AIRE: variants seen among roughly 807,000 people sequenced by gnomAD.
AIRE encodes the protein autoimmune polyendocrinopathy candidiasis ectodermal dystrophy protein.
A neutral mutation model predicts 62.1 loss-of-function variants in AIRE; 52 were observed. The ratio of observed to expected loss-of-function variants is 0.84; its 90% CI spans 0.67 to 1.06. The LOEUF is 1.06. AIRE is among the 50% of genes least tolerant of loss of function. The probability of loss-of-function intolerance (pLI) is 0.00; values close to 1 mark genes in which losing one functional copy is unlikely to be tolerated. For synonymous variants in AIRE, 342 were observed against 321.6 expected, an observed-to-expected ratio of 1.06 and a Z score of -0.68; for missense variants, 774 against 755.8, an observed-to-expected ratio of 1.02 and a Z score of -0.28.
chr21:44,297,020 T>C lies in AIRE; in HGVS notation c.1566+575T>C, dbSNP rs1601972677. 6.6e-6 allele frequency among the ~76,000 whole-genome samples: 1 copy of C among 152,074 alleles called. No individual in the cohort carries two copies. The highest frequency in any genetic ancestry group is 1.5e-5 in the Non-Finnish European group (1 of 67,994). On this transcript the variant is annotated intron_variant, in intron 13 of 13. Transcript: ENST00000291582. The surrounding 1 kb of genome is among the most constrained non-coding windows in gnomAD (Gnocchi z 4.8). ...CAGTGTCTGATGTGGCACCCGGGGG[T>C]CCCAGCTGACCATGGGGCAGGGGTT... is the stretch of plus-strand genomic sequence containing the variant.
rs936714310 is a variant in AIRE, at chr21:44,291,140, A to G, written c.925A>G (p.Ile309Val). ...CGTGTGTCGGGACGGCGGGGAGCTCATCTGCTGTGACGGCTGCCCTCGGGC... is the reference window on the plus strand; with the variant it reads ...CGTGTGTCGGGACGGCGGGGAGCTCGTCTGCTGTGACGGCTGCCCTCGGGC... ...CAVCRDGGELICCDGCPRAFH... is the reference protein window; with the variant it reads ...CAVCRDGGELVCCDGCPRAFH... The change falls in exon 8 of 14, where the codon ATC becomes GTC. Residue 309 changes from isoleucine (I) to valine (V), a missense_variant. Physicochemically the swap from Ile to Val is conservative, Grantham distance 29. Transcript: ENST00000291582. 6.2e-7 allele frequency: 1 copy of G among 1,611,726 alleles called. No homozygotes were observed. Among genetic ancestry groups the G allele is most frequent in the Non-Finnish European group, 8.5e-7 (1 of 1,179,822 alleles).
chr21:44,287,508 C>T lies in AIRE; in HGVS notation c.464-9C>T. ...GGGAGGCCAGGCTGCCCCCAGCTCCCCCATTCAGGCTCTCAACTGAAGGCC... is the reference window on the plus strand; with the variant it reads ...GGGAGGCCAGGCTGCCCCCAGCTCCTCCATTCAGGCTCTCAACTGAAGGCC... On this transcript the variant is annotated splice_polypyrimidine_tract_variant and intron_variant, in intron 3 of 13. Coordinates refer to ENST00000291582, the MANE Select transcript of AIRE (RefSeq NM_000383.4). The surrounding 1 kb of genome is among the most constrained non-coding windows in gnomAD (Gnocchi z 4.3). 1 of 1,551,020 alleles carries T rather than the reference C, an allele frequency of 6.4e-7. No individual in the cohort carries two copies. The highest frequency in any genetic ancestry group is 8.7e-7 in the Non-Finnish European group (1 of 1,147,234).
In AIRE at chr21:44,293,025, G is replaced by A; in HGVS notation, c.1128G>A (p.Glu376=). The A allele has an allele frequency of 1.2e-6, 2 of 1,612,536 alleles. No individual in the cohort carries two copies. Among genetic ancestry groups the A allele is most frequent in the Non-Finnish European group, 1.7e-6 (2 of 1,179,838 alleles). ...CGGGGCTTAGGTCGGCGGGAGAGGA[G>A]GTAAGAGGTCCACCTGGGGAACCCC... ...LPPGLRSAGE[E]VRGPPGEPLA... Residue 376 remains glutamate, a synonymous_variant, in exon 10 of 14, where the codon GAG becomes GAA. Coordinates refer to ENST00000291582, the MANE Select transcript of AIRE (RefSeq NM_000383.4).
Position 44,298,369 on chromosome 21 carries a change from T to C in AIRE, c.*642T>C, listed in dbSNP as rs2040636332. The C allele has an allele frequency of 6.2e-6, 1 of 162,376 alleles. No individual in the cohort carries two copies. The highest frequency in any genetic ancestry group is 5.8e-5 in the Admixed American group (1 of 17,338). 10.1% of individuals were successfully genotyped at this position (162,376 alleles called of 1,614,324 possible). ...GACTTCTCCAGGGACCTCATGGAAG[T>C]GGAATCACACAGTATCTGTCCTTTT... On this transcript the variant is annotated 3_prime_UTR_variant, in exon 14 of 14. Transcript: ENST00000291582.
chr21:44,293,526 G>A (rs1292874266), intron 10 of AIRE, among the ~76,000 whole-genome samples: 1 of 152,088 alleles, frequency 6.6e-6, no homozygotes, highest in East Asian at 1.9e-4. Flanking sequence ...CCCAAAGGAG[G>A]CCAGGCCCGC....
Position 44,293,012 on chromosome 21 carries a change from C to T in AIRE, c.1115C>T (p.Ser372Leu), listed in dbSNP as rs202237214. The T allele has an allele frequency of 1.3e-4, 212 of 1,612,452 alleles. No homozygotes were observed. The highest frequency in any genetic ancestry group is 3.4e-4 in the Middle Eastern group (2 of 5,960). ...TTCCAGCTCCCCCCGGGGCTTAGGT[C>T]GGCGGGAGAGGAGGTAAGAGGTCCA... ...VETPLPPGLR[S>L]AGEEVRGPPG... Residue 372 changes from serine (S) to leucine (L), a missense_variant, in exon 10 of 14, where the codon TCG becomes TTG. This residue lies in a region of AIRE where 354 missense variants were observed against 296.1 expected (regional missense o/e 1.20). Coordinates refer to ENST00000291582, the MANE Select transcript of AIRE (RefSeq NM_000383.4).
chr21:44,291,326 C>T, intron 8 of AIRE, 116 bp downstream of exon 8: 1 of 1,468,706 alleles, frequency 6.8e-7, no homozygotes, highest in Non-Finnish European at 9.2e-7. Context: ...GAAAGGGGTT[C>T]TGAGTCAGGT....
At chr21:44,291,691 C>G (rs1397895086) in intron 8 of AIRE, among the ~76,000 whole-genome samples, 1 of 152,010 alleles carries the variant, frequency 6.6e-6, no homozygotes, top group Non-Finnish European at 1.5e-5. Flanking sequence ...CATCCCGGTG[C>G]TCCTTCCCCA....
rs765892829 is a variant in AIRE at position 44,286,700 on chromosome 21, G to T, written c.276G>T (p.Arg92=). The T allele has an allele frequency of 6.2e-7, 1 of 1,613,018 alleles. No homozygotes were observed. The highest frequency in any genetic ancestry group is 1.3e-5 in the African/African-American group (1 of 75,052). ...FKDYNLERYG[R]LQPILDSFPK... is the part of the protein sequence containing the mutation. ...ACTACAACCTGGAGCGCTATGGCCG[G>T]CTGCAGCCCATCCTGGACAGCTTCC... is the stretch of plus-strand genomic sequence containing the variant. Residue 92 remains arginine, a synonymous_variant, in exon 2 of 14, where the codon CGG becomes CGT. Transcript: ENST00000291582. This position sits in a 1 kb window ranked among gnomAD's most constrained non-coding sequence, Gnocchi z 6.0.
Position 44,289,647 on chromosome 21 carries a change from C to G in AIRE, c.653-10C>G, listed in dbSNP as rs760848364. ...CGGGTGAGCCAGGACCAGCCGGCAT[C>G]TCCTCCCAGGCGGCTCCAAGAAGTG... On this transcript the variant is annotated splice_polypyrimidine_tract_variant and intron_variant, in intron 5 of 13. Coordinates refer to ENST00000291582, the MANE Select transcript of AIRE (RefSeq NM_000383.4). 3.1e-6 allele frequency: 5 copies of G among 1,612,594 alleles called. No homozygotes were observed. Among genetic ancestry groups the G allele is most frequent in the Non-Finnish European group, 4.2e-6 (5 of 1,179,914 alleles).
intron 12 of AIRE, among the ~76,000 whole-genome samples, chr21:44,295,322 C>G (rs1020489594): frequency 1.3e-5 from 2 of 152,040 alleles, no homozygotes; most frequent in Admixed American, 6.5e-5. Context: ...GCGTGGTACT[C>G]CCCGGGCAGG....
At chr21:44,288,561 G>A in intron 5 of AIRE, 103 bp downstream of exon 5, 1 of 838,332 alleles carries the variant, frequency 1.2e-6, no homozygotes, top group Non-Finnish European at 1.9e-6. Flanking sequence ...CAGCAGACCG[G>A]ACTGTTGCTC....
intron 12 of AIRE, among the ~76,000 whole-genome samples, chr21:44,295,471 C>T (rs1275678775): frequency 1.3e-5 from 2 of 152,204 alleles, no homozygotes; most frequent in Non-Finnish European, 2.9e-5. Flanking sequence ...CCTCCCTCCT[C>T]ACACCACCCA....
chr21:44,295,395 G>A (rs983864335), intron 12 of AIRE, among the ~76,000 whole-genome samples: 4 of 152,214 alleles, frequency 2.6e-5, no homozygotes, highest in African/African-American at 9.6e-5. Context: ...ACCCAGCCCT[G>A]CCCTTGGGGC....
At chr21:44,288,667 G>A (rs562704578) in intron 5 of AIRE, 22 of 567,074 alleles carry the variant, frequency 3.9e-5, no homozygotes, top group Admixed American at 1.2e-4. Context: ...CAAGGCCAGC[G>A]GTCCAGGCCC....
chr21:44,286,770 G>A lies in AIRE; in HGVS notation c.307+39G>A, dbSNP rs1339812819. 1.2e-6 allele frequency: 2 copies of A among 1,608,254 alleles called. No individual in the cohort carries two copies. Among genetic ancestry groups the A allele is most frequent in the Admixed American group, 3.3e-5 (2 of 59,968 alleles). ...GACTCAGCCATGCTGGGGGCCTGGG[G>A]CAGCTGCTGTCACCTGCTCAGCCCA... On this transcript the variant is annotated intron_variant, in intron 2 of 13. Coordinates refer to ENST00000291582, the MANE Select transcript of AIRE (RefSeq NM_000383.4). This position sits in a 1 kb window ranked among gnomAD's most constrained non-coding sequence, Gnocchi z 6.0.
Position 44,286,738 on chromosome 21 carries a change from C to T in AIRE, c.307+7C>T. 6.2e-7 allele frequency: 1 copy of T among 1,612,676 alleles called. No homozygotes were observed. The highest frequency in any genetic ancestry group is 8.5e-7 in the Non-Finnish European group (1 of 1,179,880). On this transcript the variant is annotated splice_region_variant and intron_variant, in intron 2 of 13. Transcript: ENST00000291582. This position sits in a 1 kb window ranked among gnomAD's most constrained non-coding sequence, Gnocchi z 6.0. ...CTGGACAGCTTCCCCAAAGGTGGGTCCTGGTGGACTCAGCCATGCTGGGGG... is the reference window on the plus strand; with the variant it reads ...CTGGACAGCTTCCCCAAAGGTGGGTTCTGGTGGACTCAGCCATGCTGGGGG...
At chr21:44,292,169 A>G in intron 8 of AIRE, 133 bp from the exon 9 acceptor site, 1 of 768,310 alleles carries the variant, frequency 1.3e-6, no homozygotes, top group South Asian at 1.5e-5. Context: ...GTCTCTGCCC[A>G]TCTCTCTGCT....
At position 44,288,455 on chromosome 21, in the gene AIRE, T is replaced by A. The variant is rs774634852; in HGVS notation, c.649T>A (p.Ser217Thr). ...GATCCTCATCCAGCAGGTGTTTGAG[T>A]CAGGTAGACGCTGTGGCGGGGAGAT... is the stretch of plus-strand genomic sequence containing the variant. ...EGILIQQVFE[S>T]GGSKKCIQVG... The change falls in exon 5 of 14, where the codon TCA (serine) becomes ACA (threonine). Residue 217 changes from serine (S) to threonine (T), a missense_variant. By Grantham distance (58) the Ser-to-Thr change is moderately conservative. Around this residue, in one of 3 missense-constraint regions of AIRE, gnomAD observed 385 missense variants for 396.0 expected, o/e 0.97. Transcript: ENST00000291582. The A allele has an allele frequency of 6.3e-7, 1 of 1,598,154 alleles. No homozygotes were observed. Among genetic ancestry groups the A allele is most frequent in the Non-Finnish European group, 8.6e-7 (1 of 1,166,430 alleles).
Sources: allele counts gnomAD v4.1 joint callset (sites outside exome capture counted in the v4.1 genomes callset), GRCh38; gene constraint gnomAD v4.1.1; regional missense constraint gnomAD v4.1.1; non-coding constraint Gnocchi (gnomAD v3.1); transcripts MANE v1.5; gene names NCBI Gene and HGNC (gene_info 2026-07-23, HGNC 2026-07-21).